The following KRAS variants were observed in gnomAD, a reference collection of about 807,000 sequenced individuals.
KRAS encodes GTPase KRas.
In KRAS, 1 loss-of-function variant was observed where a neutral mutation model predicts 21.0. That is an observed-to-expected ratio of 0.05 (90% CI 0.02 to 0.23). The LOEUF is 0.23. Among genes scored for constraint, KRAS ranks in the 10% least tolerant of loss-of-function variants. The probability of loss-of-function intolerance (pLI) is 1.00; values close to 1 mark genes in which losing one functional copy is unlikely to be tolerated. For synonymous variants in KRAS, 67 were observed against 72.5 expected, an observed-to-expected ratio of 0.92 and a Z score of 0.39; for missense variants, 107 against 221.8, an observed-to-expected ratio of 0.48 and a Z score of 3.29.
At chr12:25,250,061 T>C (rs917413762) in intron 1 of KRAS, among the ~76,000 whole-genome samples, 3 of 152,076 alleles carry the variant, frequency 2.0e-5, no homozygotes, top group Non-Finnish European at 4.4e-5. Flanking sequence ...TCACAGCCCA[T>C]ACATGGGGGA....
At chr12:25,237,712 T>G (rs937802278) in intron 2 of KRAS, among the ~76,000 whole-genome samples, 1 of 152,210 alleles carries the variant, frequency 6.6e-6, no homozygotes, top group African/African-American at 2.4e-5. Flanking sequence ...TAAAACTGCA[T>G]ACAGGACTTT....
At chr12:25,247,235 T>C (rs974794889) in intron 1 of KRAS, among the ~76,000 whole-genome samples, 22 of 152,210 alleles carry the variant, frequency 1.4e-4, no homozygotes, top group Admixed American at 4.6e-4. Flanking sequence ...TGTGCATATA[T>C]TGTAGATAAA....
In KRAS at chr12:25,227,345, C is replaced by T; in HGVS notation, c.179G>A (p.Gly60Asp). The T allele has an allele frequency of 1.9e-6, 3 of 1,614,060 alleles. No homozygotes were observed. The highest frequency in any genetic ancestry group is 2.5e-6 in the Non-Finnish European group (3 of 1,179,974). The change falls in exon 3 of 5, where the codon GGT becomes GAT. Residue 60 changes from glycine to aspartate, a missense_variant. Transcript: ENST00000311936. ...TCLLDILDTA[G>D]QEEYSAMRDQ... ...CCTCATTGCACTGTACTCCTCTTGACCTGCTGTGTCGAGAATATCCAAGAG... is the reference window on the plus strand; with the variant it reads ...CCTCATTGCACTGTACTCCTCTTGATCTGCTGTGTCGAGAATATCCAAGAG...
intron 2 of KRAS, among the ~76,000 whole-genome samples, chr12:25,233,508 T>C (rs61761153): frequency 0.02 from 3,046 of 150,674 alleles, 79 homozygotes; most frequent in African/African-American, 0.07. Context: ...AATGAATGAA[T>C]GAACGAAGGT....
At position 25,206,542 on chromosome 12, in the gene KRAS, TA is replaced by T; in HGVS notation, c.*3252del. The T allele has an allele frequency of 9.8e-6, 2 of 204,166 alleles. No individual in the cohort carries two copies. The allele number at this position is 204,166 out of a possible 1,614,324, so 12.6% of individuals were successfully genotyped here. ...ACATAAAGGTAATTAACCACTACCT[TA>T]AAAAAATGCCCATCTACATCAAAAA... On this transcript the variant is annotated 3_prime_UTR_variant, in exon 5 of 5. Coordinates refer to ENST00000311936, the MANE Select transcript of KRAS (RefSeq NM_004985.5).
chr12:25,221,143 A>T (rs1489984745), intron 4 of KRAS, among the ~76,000 whole-genome samples: 1 of 152,052 alleles, frequency 6.6e-6, no homozygotes. Flanking sequence ...CAAAAGTTTA[A>T]CCTAACTTCT....
chr12:25,245,243 C>T (rs780220170), intron 2 of KRAS, 31 bp downstream of exon 2: 1 of 1,575,838 alleles, frequency 6.3e-7, no homozygotes, highest in Non-Finnish European at 8.6e-7. Context: ...TGGTCCTGCA[C>T]CAGTAATATG....
In KRAS at chr12:25,246,872, A is replaced by G. The variant is rs189440578; in HGVS notation, c.-11-1477T>C. Among the ~76,000 whole-genome samples the G allele has an allele frequency of 3.4e-3, 509 of 151,500 alleles. 4 individuals carry two copies. The highest frequency in any genetic ancestry group is 0.012 in the African/African-American group (492 of 41,208). On this transcript the variant is annotated intron_variant, in intron 1 of 4. Coordinates refer to ENST00000311936, the MANE Select transcript of KRAS (RefSeq NM_004985.5). ...GCGGAGCTTGCAGTGAGCCGAGATC[A>G]CGCCACTGCACTCCAGCCTGGGCGA...
Position 25,207,076 on chromosome 12 carries a change from A to C in KRAS, c.*2719T>G, listed in dbSNP as rs1951146364. On this transcript the variant is annotated 3_prime_UTR_variant, in exon 5 of 5. Transcript: ENST00000311936. ...CAAACCCCTTCTTTGCAAAACTAAA[A>C]TACGCATCGTGTTATCTCTGGGTCG... The C allele has an allele frequency of 4.7e-6, 1 of 212,012 alleles. No individual in the cohort carries two copies. 13.1% of individuals were successfully genotyped at this position (212,012 alleles called of 1,614,324 possible).
intron 4 of KRAS, among the ~76,000 whole-genome samples, chr12:25,219,608 C>T (rs769336137): frequency 6.6e-6 from 1 of 152,172 alleles, no homozygotes; most frequent in African/African-American, 2.4e-5. Flanking sequence ...AGACTACCAG[C>T]CTTTTGGTGG....
intron 2 of KRAS, chr12:25,235,230 T>C (rs767172242): frequency 3.5e-6 from 2 of 565,590 alleles, no homozygotes; most frequent in Non-Finnish European, 3.4e-6. Context: ...ATAACACCTG[T>C]AGGAAAAGAT....
intron 1 of KRAS, among the ~76,000 whole-genome samples, 189 bp downstream of exon 1, chr12:25,250,562 G>A (rs989205974): frequency 2.6e-5 from 4 of 151,790 alleles, no homozygotes; most frequent in African/African-American, 4.8e-5. Flanking sequence ...CTCACTCCCC[G>A]CGCCGCCGCG....
At chr12:25,232,009 A>G (rs143735165) in intron 2 of KRAS, among the ~76,000 whole-genome samples, 3 of 151,760 alleles carry the variant, frequency 2.0e-5, no homozygotes, top group Non-Finnish European at 4.4e-5. Context: ...AGACCCCCCC[A>G]GCCTCTAGTC....
chr12:25,245,638 CAT>C (rs1459738430), intron 1 of KRAS, among the ~76,000 whole-genome samples: 1 of 152,220 alleles, frequency 6.6e-6, no homozygotes, highest in Non-Finnish European at 1.5e-5. Flanking sequence ...ATAAATGCTA[CAT>C]AGACAGTTCT....
chr12:25,248,156 C>T (rs1162749597), intron 1 of KRAS, among the ~76,000 whole-genome samples: 2 of 152,124 alleles, frequency 1.3e-5, no homozygotes, highest in African/African-American at 2.4e-5. Flanking sequence ...CCAATGTGCC[C>T]GGCCCCTTCG....
rs760028987 is a variant in KRAS at position 25,225,569 on chromosome 12, T to C, written c.450+45A>G. Reference sequence around the variant, plus strand: ...GATATATTAAATGACATAACAGTTATGATTTTGCAGAAAACAGATCTGTAT... The same window carrying C: ...GATATATTAAATGACATAACAGTTACGATTTTGCAGAAAACAGATCTGTAT... On this transcript the variant is annotated intron_variant, in intron 4 of 4. Transcript: ENST00000311936. The C allele has an allele frequency of 2.5e-6, 4 of 1,571,682 alleles. No individual in the cohort carries two copies. The South Asian group carries it at 3.3e-5, about 13-fold the overall frequency.
Position 25,213,650 on chromosome 12 carries a change from T to G in KRAS, c.451-3739A>C, listed in dbSNP as rs1373555344. On this transcript the variant is annotated intron_variant, in intron 4 of 4. Coordinates refer to ENST00000311936, the MANE Select transcript of KRAS (RefSeq NM_004985.5). ...GTCTACTATTCAAATGTATATTTTA[T>G]ACTTTTGGGAAATACCTAAAATTCA... is the stretch of plus-strand genomic sequence containing the variant. 2.6e-5 allele frequency among the ~76,000 whole-genome samples: 4 copies of G among 152,228 alleles called. No individual in the cohort carries two copies. In the East Asian group the frequency reaches 5.8e-4, roughly 22 times the overall value.
intron 1 of KRAS, among the ~76,000 whole-genome samples, chr12:25,249,600 A>AAAAAAAAAAAAAAAAAAAAAAG (rs1951738107): frequency 6.7e-6 from 1 of 149,450 alleles, no homozygotes; most frequent in South Asian, 2.1e-4. Flanking sequence ...TCAAAAAAAA[A>AAAAAAAAAAAAAAAAAAAAAAG]AAAAAAAAGG....
intron 4 of KRAS, among the ~76,000 whole-genome samples, chr12:25,218,682 G>A (rs752466974): frequency 1.3e-5 from 2 of 152,148 alleles, no homozygotes; most frequent in Non-Finnish European, 2.9e-5. Flanking sequence ...TTATCCTTGT[G>A]TACACTGTAA....
Sources: gnomAD v4.1 joint callset for allele counts (sites outside exome capture counted in the v4.1 genomes callset) on GRCh38, gnomAD v4.1.1 for gene constraint, MANE v1.5 for transcripts, NCBI Gene and HGNC (gene_info 2026-07-23, HGNC 2026-07-21) for gene names.